The following PCDH15 variants were observed in gnomAD, a reference collection of about 807,000 sequenced individuals.
The protein encoded by PCDH15 is protocadherin related 15.
Under a neutral mutation model 178.5 loss-of-function variants are expected in PCDH15, and 129 were observed. That is an observed-to-expected ratio of 0.72 (90% CI 0.63 to 0.84). The LOEUF (loss-of-function observed/expected upper bound fraction) is 0.84. PCDH15 is among the 40% of genes least tolerant of loss of function. PCDH15 has a pLI of 0.00. For missense variants in PCDH15, 2,230 were observed against 2,099.9 expected, an observed-to-expected ratio of 1.06 and a Z score of -1.21; for synonymous variants, 800 against 732.0, an observed-to-expected ratio of 1.09 and a Z score of -1.50.
intron 7 of PCDH15, among the ~76,000 whole-genome samples, chr10:54,324,733 A>C (rs535454179): frequency 6.6e-6 from 1 of 152,184 alleles, no homozygotes; most frequent in South Asian, 2.1e-4. Flanking sequence ...CCCCTGCACT[A>C]CAGCCTGGGT....
chr10:55,020,223 G>A (rs10763171), intron 2 of PCDH15, among the ~76,000 whole-genome samples: 85,900 of 150,744 alleles, frequency 0.57, 24,816 homozygotes, highest in East Asian at 0.75. Flanking sequence ...AGCACTTACT[G>A]TGCAAATACT....
chr10:53,853,794 G>A (rs1387907231), intron 28 of PCDH15, among the ~76,000 whole-genome samples: 2 of 151,942 alleles, frequency 1.3e-5, no homozygotes, highest in African/African-American at 2.4e-5. Context: ...TTGATAGGAG[G>A]TTGAGAAGTT....
intron 2 of PCDH15, among the ~76,000 whole-genome samples, chr10:54,559,148 T>C (rs954862347): frequency 1.3e-5 from 2 of 152,108 alleles, no homozygotes; most frequent in Non-Finnish European, 2.9e-5. Context: ...ATGTATGCTA[T>C]GTGAGAATTA....
intron 2 of PCDH15, among the ~76,000 whole-genome samples, chr10:55,137,789 G>A (rs1036850715): frequency 6.6e-6 from 1 of 151,996 alleles, no homozygotes; most frequent in Non-Finnish European, 1.5e-5. Context: ...ACAGGGTGAG[G>A]GTTATAGAAA....
intron 1 of PCDH15, among the ~76,000 whole-genome samples, chr10:54,673,913 A>G (rs2094728890): frequency 6.6e-6 from 1 of 152,176 alleles, no homozygotes; most frequent in Non-Finnish European, 1.5e-5. Context: ...AGAGTAGAAA[A>G]TGTGTACTTT....
chr10:54,848,534 G>C (rs1284079602), intron 3 of PCDH15, among the ~76,000 whole-genome samples: 2 of 152,020 alleles, frequency 1.3e-5, no homozygotes, highest in African/African-American at 4.8e-5. Flanking sequence ...TTGAGACTTT[G>C]CAAGAGACCC....
At chr10:55,225,805 C>A (rs575166649) in intron 1 of PCDH15, among the ~76,000 whole-genome samples, 1 of 152,116 alleles carries the variant, frequency 6.6e-6, no homozygotes, top group Admixed American at 6.5e-5. Flanking sequence ...CTCCAACAAG[C>A]CTTCCCCTGT....
chr10:54,108,966 C>G (rs1355155594), intron 15 of PCDH15, among the ~76,000 whole-genome samples: 2 of 152,034 alleles, frequency 1.3e-5, no homozygotes, highest in Non-Finnish European at 2.9e-5. Flanking sequence ...AACAAACAAA[C>G]AAACAAATAA....
intron 23 of PCDH15, among the ~76,000 whole-genome samples, chr10:53,944,932 G>T (rs1469343800): frequency 6.6e-6 from 1 of 152,144 alleles, no homozygotes; most frequent in Non-Finnish European, 1.5e-5. Context: ...TGGCAGTGTT[G>T]GTTCCTATTT....
At chr10:54,421,954 T>G (rs145077221) in intron 3 of PCDH15, among the ~76,000 whole-genome samples, 1 of 94,316 alleles carries the variant, frequency 1.1e-5, no homozygotes, top group Non-Finnish European at 2.1e-5. Context: ...TAAAAATATA[T>G]ATATATATAT....
intron 2 of PCDH15, among the ~76,000 whole-genome samples, chr10:55,534,314 G>A (rs7075991): frequency 0.35 from 53,224 of 151,712 alleles, 10,123 homozygotes; most frequent in African/African-American, 0.51. Context: ...ATATTCACAC[G>A]CTAGGCACCT....
chr10:55,123,786 G>A (rs1453293770), intron 2 of PCDH15, among the ~76,000 whole-genome samples: 1 of 152,136 alleles, frequency 6.6e-6, no homozygotes, highest in East Asian at 1.9e-4. Context: ...GAGGAGGAAT[G>A]GTTACCCATG....
chr10:54,827,866 G>A (rs573031075), intron 3 of PCDH15, among the ~76,000 whole-genome samples: 15 of 152,084 alleles, frequency 9.9e-5, no homozygotes, highest in South Asian at 2.1e-4. Context: ...AACTTTTTGC[G>A]CAGGTGATGA....
intron 1 of PCDH15, among the ~76,000 whole-genome samples, chr10:54,772,965 G>A (rs993063035): frequency 1.3e-5 from 2 of 152,098 alleles, no homozygotes; most frequent in African/African-American, 4.8e-5. Flanking sequence ...ACCTTTGAAG[G>A]GACGTGGATG....
chr10:54,509,111 G>C (rs776111504), intron 3 of PCDH15, among the ~76,000 whole-genome samples: 1 of 151,986 alleles, frequency 6.6e-6, no homozygotes, highest in Non-Finnish European at 1.5e-5. Flanking sequence ...TCAGATTAGG[G>C]ATGTTCCACC....
intron 2 of PCDH15, among the ~76,000 whole-genome samples, chr10:54,553,659 C>T (rs550197505): frequency 2.0e-5 from 3 of 152,250 alleles, no homozygotes; most frequent in South Asian, 4.1e-4. Flanking sequence ...GTATCCCTCA[C>T]ATAAATTTTC....
At chr10:54,908,161 C>G (rs1564621330) in intron 2 of PCDH15, among the ~76,000 whole-genome samples, 1 of 152,310 alleles carries the variant, frequency 6.6e-6, no homozygotes, top group African/African-American at 2.4e-5. Flanking sequence ...CTGTGCTCAA[C>G]TCTGCTACAT....
intron 3 of PCDH15, among the ~76,000 whole-genome samples, chr10:54,519,023 A>T (rs1202509787): frequency 2.0e-5 from 3 of 152,232 alleles, no homozygotes; most frequent in African/African-American, 4.8e-5. Context: ...CCTTCATGCT[A>T]AAAACTCTCA....
At chr10:53,821,094 A>G in intron 32 of PCDH15, 4 of 978,054 alleles carry the variant, frequency 4.1e-6, no homozygotes, top group Non-Finnish European at 4.9e-6. Context: ...AATGCCTTAC[A>G]AAAGTCAACG....
Sources: gnomAD v4.1 joint callset for allele counts (sites outside exome capture counted in the v4.1 genomes callset) on GRCh38, gnomAD v4.1.1 for gene constraint, MANE v1.5 for transcripts, NCBI Gene and HGNC (gene_info 2026-07-23, HGNC 2026-07-21) for gene names.